The following BRF1 variants were observed in gnomAD, a reference collection of about 807,000 sequenced individuals.
BRF1 encodes the protein BRF1 general transcription factor IIIB subunit.
Under a neutral mutation model 81.7 loss-of-function variants are expected in BRF1, and 59 were observed. The observed-to-expected ratio is 0.72, with a 90% CI of 0.59 to 0.90. The LOEUF (loss-of-function observed/expected upper bound fraction) is 0.90. Ranked by LOEUF, BRF1 falls within the 40% of genes least tolerant of loss-of-function variation. The pLI is 0.00. For missense variants in BRF1, 1,050 were observed against 936.3 expected (o/e 1.12, Z -1.58); for synonymous variants, 491 against 395.6 (o/e 1.24, Z -2.86).
At chr14:105,215,815 A>G (rs587622025) in intron 15 of BRF1, among the ~76,000 whole-genome samples, 59 of 148,248 alleles carry the variant, frequency 4.0e-4, no homozygotes, top group Non-Finnish European at 5.9e-4. Context: ...ATACACAGGC[A>G]CACACACATG....
chr14:105,307,079 C>T (rs2058211176), intron 1 of BRF1, among the ~76,000 whole-genome samples: 2 of 151,428 alleles, frequency 1.3e-5, no homozygotes, highest in Admixed American at 1.3e-4. Context: ...GGGTCTCACT[C>T]TGTCACCCAG....
At chr14:105,265,059 TTTTTTGTTTGTTTG>T (rs2056343897) in intron 3 of BRF1, among the ~76,000 whole-genome samples, 1 of 146,620 alleles carries the variant, frequency 6.8e-6, no homozygotes, top group Non-Finnish European at 1.5e-5. Context: ...TTTTTGTTTT[TTTTTTGTTTGTTTG>T]TTTTTTTAGA....
intron 1 of BRF1, chr14:105,314,773 G>A (rs900456808): frequency 3.2e-4 from 58 of 179,006 alleles, no homozygotes; most frequent in Non-Finnish European, 5.6e-4. Context: ...CCGCGGGCCT[G>A]TCCGACGCCG....
chr14:105,211,822 T>A, intron 16 of BRF1: 1 of 506,418 alleles, frequency 2.0e-6, no homozygotes, highest in South Asian at 2.1e-5. Flanking sequence ...GCTTCCTACA[T>A]ACAGGCTCCC....
At position 105,309,272 on chromosome 14, in the gene BRF1, T is replaced by C. The variant is rs1179819043; in HGVS notation, c.-162+6050A>G. On this transcript the variant is annotated intron_variant, in intron 1 of 17. Transcript: ENST00000327359. This position sits in a 1 kb window ranked among gnomAD's most constrained non-coding sequence, Gnocchi z 4.0. ...ATCTTGGGGCTCAGGATAACCACAG[T>C]CAAGAGGGGAGAGTTTTATTCCTGA... Among the ~76,000 whole-genome samples the C allele has an allele frequency of 6.6e-6, 1 of 152,320 alleles. No individual in the cohort carries two copies. The highest frequency in any genetic ancestry group is 1.9e-4 in the East Asian group (1 of 5,192).
chr14:105,241,644 A>T (rs2054656292), intron 5 of BRF1: 2 of 597,898 alleles, frequency 3.3e-6, no homozygotes, highest in African/African-American at 3.7e-5. Context: ...TGCTGCAGAC[A>T]CGCTAGGGCC....
chr14:105,298,023 G>A (rs1235901844), intron 1 of BRF1, among the ~76,000 whole-genome samples: 1 of 152,140 alleles, frequency 6.6e-6, no homozygotes, highest in Non-Finnish European at 1.5e-5. Flanking sequence ...AAAAATAAAT[G>A]CTCCAAAACA....
chr14:105,215,648 GCA>G (rs369831808), intron 15 of BRF1, among the ~76,000 whole-genome samples: 10 of 125,678 alleles, frequency 8.0e-5, no homozygotes, highest in African/African-American at 1.5e-4. Flanking sequence ...ACAGACACAG[GCA>G]CACACACACT....
At chr14:105,228,749 T>G in intron 7 of BRF1, 71 bp downstream of exon 7, 1 of 1,546,712 alleles carries the variant, frequency 6.5e-7, no homozygotes, top group Non-Finnish European at 8.9e-7. Context: ...GCGCCTGCTC[T>G]GGCAAGCAGG....
intron 6 of BRF1, 92 bp downstream of exon 6, chr14:105,241,173 C>T (rs970310945): frequency 5.2e-6 from 8 of 1,549,092 alleles, no homozygotes; most frequent in Admixed American, 1.8e-5. Context: ...GCTCTGCAAA[C>T]ATACGGCCCA....
intron 6 of BRF1, among the ~76,000 whole-genome samples, 196 bp downstream of exon 6, chr14:105,241,069 G>C (rs1340254304): frequency 6.6e-6 from 1 of 152,232 alleles, no homozygotes; most frequent in East Asian, 1.9e-4. Context: ...AGGACACGCA[G>C]AGGCCAACGG....
intron 6 of BRF1, among the ~76,000 whole-genome samples, chr14:105,240,948 A>C (rs587649479): frequency 2.6e-5 from 4 of 152,324 alleles, no homozygotes; most frequent in South Asian, 2.1e-4. Context: ...TGTCCGCGTC[A>C]GAAGCCGGGC....
At chr14:105,245,125 G>A (rs183006867) in intron 5 of BRF1, among the ~76,000 whole-genome samples, 8 of 152,258 alleles carry the variant, frequency 5.3e-5, no homozygotes, top group African/African-American at 1.4e-4. Context: ...TTGGGAGGCC[G>A]AGGCAGGTGG....
At position 105,221,754 on chromosome 14, in the gene BRF1, G is replaced by T. The variant is rs762233106; in HGVS notation, c.1209C>A (p.Gly403=). The T allele has an allele frequency of 6.2e-7, 1 of 1,611,000 alleles. No homozygotes were observed. The highest frequency in any genetic ancestry group is 1.1e-5 in the South Asian group (1 of 90,940). ...SEAAGSPEWG[G]RPPALGSLLD... ...GCAGGGACCCCAGGGCCGGAGGTCT[G>T]CCGCCCCACTCGGGGCTTCCTGCTG... is the stretch of plus-strand genomic sequence containing the variant. The change falls in exon 11 of 18, where the codon GGC becomes GGA. Residue 403 remains glycine (G), a synonymous_variant. Transcript: ENST00000547530.
intron 10 of BRF1, among the ~76,000 whole-genome samples, chr14:105,225,751 G>A (rs1280610240): frequency 6.6e-6 from 1 of 152,014 alleles, no homozygotes; most frequent in Admixed American, 6.5e-5. Flanking sequence ...AGGTTCAAAT[G>A]ATTATCCTGC....
At chr14:105,248,847 G>C in intron 5 of BRF1, 1 of 990,406 alleles carries the variant, frequency 1.0e-6, no homozygotes, top group South Asian at 4.6e-5. Flanking sequence ...CGCCGAGGCT[G>C]CCCCCGCCGC....
upstream of BRF1, among the ~76,000 whole-genome samples, chr14:105,305,819 C>A (rs780211012): frequency 6.6e-6 from 1 of 152,262 alleles, no homozygotes; most frequent in East Asian, 1.9e-4. Context: ...CCTCAGAGCA[C>A]CCACACTGGG....
intron 12 of BRF1, chr14:105,219,670 C>T: frequency 2.5e-6 from 1 of 394,508 alleles, no homozygotes; most frequent in Non-Finnish European, 4.6e-6. Context: ...TTGAGATAAA[C>T]TGCAAAGAGC....
chr14:105,229,587 C>A (rs1002625111), intron 6 of BRF1, among the ~76,000 whole-genome samples: 4 of 152,244 alleles, frequency 2.6e-5, no homozygotes, highest in Non-Finnish European at 2.9e-5. Flanking sequence ...GTCTGAGTGA[C>A]AGCTGCGACC....
Sources: gnomAD v4.1 joint callset for allele counts (sites outside exome capture counted in the v4.1 genomes callset) on GRCh38, gnomAD v4.1.1 for gene constraint, Gnocchi (gnomAD v3.1) non-coding constraint, MANE v1.5 for transcripts, NCBI Gene and HGNC (gene_info 2026-07-23, HGNC 2026-07-21) for gene names.